PPFIA2: variants seen among roughly 807,000 people sequenced by gnomAD.
PPFIA2 encodes liprin-alpha-2.
In PPFIA2, 46 loss-of-function variants were observed where a neutral mutation model predicts 175.5. The ratio of observed to expected loss-of-function variants is 0.26; its 90% CI spans 0.21 to 0.34. The LOEUF is 0.34. Among genes scored for constraint, PPFIA2 ranks in the 10% least tolerant of loss-of-function variants. PPFIA2 has a pLI of 1.00. For synonymous variants in PPFIA2, 568 were observed against 511.4 expected, an observed-to-expected ratio of 1.11 and a Z score of -1.49; for missense variants, 1,179 against 1,506.1, an observed-to-expected ratio of 0.78 and a Z score of 3.60.
chr12:81,512,323 C>CTTATGTA, intron 4 of PPFIA2: 3 of 1,288,736 alleles, frequency 2.3e-6, no homozygotes, highest in African/African-American at 3.0e-5. Context: ...CTTCCCATCT[C>CTTATGTA]CCACTGCTAT....
At chr12:81,310,780 T>C (rs1347831041) in intron 22 of PPFIA2, among the ~76,000 whole-genome samples, 1 of 152,152 alleles carries the variant, frequency 6.6e-6, no homozygotes, top group Admixed American at 6.5e-5. Flanking sequence ...TTCCTCAATA[T>C]TGTAAAACAT....
At chr12:81,689,178 G>A (rs1364747659) in intron 3 of PPFIA2, among the ~76,000 whole-genome samples, 3 of 151,816 alleles carry the variant, frequency 2.0e-5, no homozygotes, top group Admixed American at 1.3e-4. Flanking sequence ...CAAAATTTGT[G>A]AAAGGAAGTC....
At chr12:81,445,131 C>A (rs1034138679) in intron 6 of PPFIA2, among the ~76,000 whole-genome samples, 3 of 136,366 alleles carry the variant, frequency 2.2e-5, no homozygotes, top group Non-Finnish European at 4.5e-5. Flanking sequence ...TAAAGTACAT[C>A]AATTTGCATA....
intron 4 of PPFIA2, among the ~76,000 whole-genome samples, chr12:81,509,602 CTTT>C (rs35297606): frequency 3.5e-5 from 5 of 142,240 alleles, no homozygotes; most frequent in Admixed American, 7.1e-5. Flanking sequence ...TCCACCTAAC[CTTT>C]TTTTTTTTTT....
At chr12:81,542,716 T>C (rs2066406308) in intron 4 of PPFIA2, among the ~76,000 whole-genome samples, 1 of 152,118 alleles carries the variant, frequency 6.6e-6, no homozygotes. Context: ...CTATGTTCCT[T>C]TGAGATATAA....
intron 4 of PPFIA2, among the ~76,000 whole-genome samples, chr12:81,466,097 G>A (rs979740498): frequency 1.3e-5 from 2 of 152,114 alleles, no homozygotes; most frequent in African/African-American, 4.8e-5. Flanking sequence ...AGAATCGCCT[G>A]CATAACTAAT....
intron 4 of PPFIA2, among the ~76,000 whole-genome samples, chr12:81,477,802 T>C (rs185435775): frequency 6.6e-6 from 1 of 152,272 alleles, no homozygotes; most frequent in Admixed American, 6.5e-5. Flanking sequence ...AGATTCAGTT[T>C]GCCAGTATTT....
At chr12:81,355,989 G>T (rs1327924555) in intron 16 of PPFIA2, among the ~76,000 whole-genome samples, 1 of 152,104 alleles carries the variant, frequency 6.6e-6, no homozygotes, top group African/African-American at 2.4e-5. Flanking sequence ...GTCACAACTT[G>T]GCTGTTTGAT....
intron 4 of PPFIA2, among the ~76,000 whole-genome samples, chr12:81,469,657 G>A (rs1038849576): frequency 3.9e-5 from 6 of 152,176 alleles, no homozygotes; most frequent in Admixed American, 1.3e-4. Context: ...TGCAATCTTG[G>A]ATTAGGTAAT....
chr12:81,279,938 G>T (rs1321495134), intron 27 of PPFIA2, among the ~76,000 whole-genome samples: 2 of 152,130 alleles, frequency 1.3e-5, no homozygotes, highest in Non-Finnish European at 2.9e-5. Context: ...ACTAAAAAAT[G>T]AGGTGCTCAA....
chr12:81,265,900 T>C (rs2037115560), intron 30 of PPFIA2, among the ~76,000 whole-genome samples: 1 of 152,214 alleles, frequency 6.6e-6, no homozygotes, highest in Non-Finnish European at 1.5e-5. Flanking sequence ...CCTTTTTGAA[T>C]CAATAATTTC....
intron 4 of PPFIA2, among the ~76,000 whole-genome samples, chr12:81,476,866 T>C (rs2057536822): frequency 6.6e-6 from 1 of 152,106 alleles, no homozygotes; most frequent in Non-Finnish European, 1.5e-5. Context: ...CACCATGGAA[T>C]AGTATGCATC....
At chr12:81,288,283 T>A (rs1017255233) in intron 24 of PPFIA2, among the ~76,000 whole-genome samples, 1 of 151,782 alleles carries the variant, frequency 6.6e-6, no homozygotes, top group African/African-American at 2.4e-5. Context: ...GCACATGAGG[T>A]CCTGGGAGGC....
At chr12:81,628,376 CTTTTTTT>C (rs11304359) in intron 4 of PPFIA2, among the ~76,000 whole-genome samples, 1 of 111,676 alleles carries the variant, frequency 9.0e-6, no homozygotes, top group East Asian at 2.8e-4. Context: ...TTTCTTTTAC[CTTTTTTT>C]TTTTTTTTTT....
intron 28 of PPFIA2, among the ~76,000 whole-genome samples, chr12:81,275,907 C>T (rs2040386209): frequency 6.6e-6 from 1 of 151,794 alleles, no homozygotes; most frequent in East Asian, 1.9e-4. Context: ...GCCTCAGCCT[C>T]CCGAGTAGCT....
intron 3 of PPFIA2, among the ~76,000 whole-genome samples, chr12:81,752,079 C>T (rs1439871869): frequency 1.3e-5 from 2 of 152,078 alleles, no homozygotes; most frequent in Non-Finnish European, 2.9e-5. Context: ...AATCAACTTC[C>T]AAGAAGAGTG....
At chr12:81,636,305 G>A (rs2153506476) in intron 4 of PPFIA2, among the ~76,000 whole-genome samples, 2 of 130,978 alleles carry the variant, frequency 1.5e-5, no homozygotes, top group East Asian at 2.3e-4. Context: ...TCGCTCTGTC[G>A]CCCAGGCTGG....
At chr12:81,500,776 C>T (rs568224686) in intron 4 of PPFIA2, among the ~76,000 whole-genome samples, 19 of 152,258 alleles carry the variant, frequency 1.2e-4, no homozygotes, top group East Asian at 1.9e-4. Flanking sequence ...TATCCTGACC[C>T]GCTATGTGAC....
chr12:81,405,783 A>C lies in PPFIA2; in HGVS notation c.762+4T>G. The stretch of plus-strand genomic sequence containing the variant: ...CATGTAAGAGCATGTGGGGTGTGTC[A>C]TACCTTCTCATGGACTTTCTGTCCA... On this transcript the variant is annotated splice_donor_region_variant and intron_variant, in intron 8 of 32. Coordinates refer to ENST00000549396, the MANE Select transcript of PPFIA2 (RefSeq NM_003625.5). 1 of 1,520,622 alleles carries C rather than the reference A, an allele frequency of 6.6e-7. No individual in the cohort carries two copies. The highest frequency in any genetic ancestry group is 1.7e-4 in the Middle Eastern group (1 of 5,920). The allele number at this position is 1,520,622 out of a possible 1,614,324, so 94.2% of individuals were successfully genotyped here.
Sources: gnomAD v4.1 joint callset for allele counts (sites outside exome capture counted in the v4.1 genomes callset) on GRCh38, gnomAD v4.1.1 for gene constraint, MANE v1.5 for transcripts, NCBI Gene and HGNC (gene_info 2026-07-23, HGNC 2026-07-21) for gene names.